TOX: variants seen among roughly 807,000 people sequenced by gnomAD.
The protein encoded by TOX is thymocyte selection associated high mobility group box.
TOX carries 11 observed loss-of-function variants against 53.7 expected under a neutral mutation model. That is an observed-to-expected ratio of 0.20 (90% confidence interval 0.13 to 0.34). The LOEUF (loss-of-function observed/expected upper bound fraction) is 0.34, where lower values mean the gene tolerates loss of function less well. Among genes scored for constraint, TOX ranks in the 10% least tolerant of loss-of-function variants. TOX has a pLI of 1.00. For missense variants in TOX, 570 were observed against 664.6 expected, an observed-to-expected ratio of 0.86 and a Z score of 1.56; for synonymous variants, 225 against 245.3, an observed-to-expected ratio of 0.92 and a Z score of 0.77.
At chr8:58,924,771 C>T (rs1812126618) in intron 3 of TOX, among the ~76,000 whole-genome samples, 1 of 152,210 alleles carries the variant, frequency 6.6e-6, no homozygotes, top group African/African-American at 2.4e-5. Flanking sequence ...ATGTATTTTT[C>T]TCAACATTTT....
chr8:59,013,290 G>C (rs1457507894), intron 1 of TOX, among the ~76,000 whole-genome samples: 1 of 152,094 alleles, frequency 6.6e-6, no homozygotes, highest in African/African-American at 2.4e-5. Context: ...CACCTACGCT[G>C]TCATCAATAA....
intron 1 of TOX, chr8:58,992,113 T>C (rs1278289916): frequency 2.0e-5 from 3 of 152,216 alleles, no homozygotes; most frequent in Non-Finnish European, 4.4e-5. Context: ...CTTTGTAGTT[T>C]ATGTAAAAAT....
At chr8:59,082,848 C>T (rs548387809) in intron 1 of TOX, among the ~76,000 whole-genome samples, 2 of 152,330 alleles carry the variant, frequency 1.3e-5, no homozygotes, top group Admixed American at 1.3e-4. Flanking sequence ...ATAAATCACA[C>T]AGGAAGCTAT....
chr8:58,835,947 C>T (rs1810538132), intron 5 of TOX, among the ~76,000 whole-genome samples: 1 of 152,166 alleles, frequency 6.6e-6, no homozygotes, highest in Non-Finnish European at 1.5e-5. Flanking sequence ...AGGGGCTGAG[C>T]CTTCACGGGG....
intron 1 of TOX, among the ~76,000 whole-genome samples, chr8:59,030,125 C>A (rs1237870450): frequency 1.3e-5 from 2 of 152,104 alleles, no homozygotes; most frequent in Non-Finnish European, 1.5e-5. Context: ...AAGCCATTGC[C>A]ATCTGTTTAA....
chr8:58,897,749 T>G (rs2044643), intron 3 of TOX, among the ~76,000 whole-genome samples: 97,634 of 150,548 alleles, frequency 0.65, 32,264 homozygotes, highest in African/African-American at 0.78. Context: ...TAACAATTGT[T>G]GTTGAACCGT....
intron 1 of TOX, among the ~76,000 whole-genome samples, chr8:59,021,100 C>A (rs1485823738): frequency 1.8e-5 from 2 of 110,546 alleles, no homozygotes; most frequent in Non-Finnish European, 3.7e-5. Flanking sequence ...CAGAGCCAGA[C>A]CCTGTCTCAA....
intron 3 of TOX, among the ~76,000 whole-genome samples, chr8:58,866,154 C>G (rs1811097889): frequency 6.6e-6 from 1 of 152,078 alleles, no homozygotes; most frequent in Admixed American, 6.6e-5. Context: ...ATGTTTTTAA[C>G]AACAACAAAG....
In TOX at chr8:59,039,479, A is replaced by AC. The variant is rs568095699; in HGVS notation, c.102+79406_102+79407insG. ...TTGGTAGTGAACAAGCAGACAGCTG[A>AC]AGGAGTAAAAATTCTAGGATTTTTG... On this transcript the variant is annotated intron_variant, in intron 1 of 8. Transcript: ENST00000361421. Among the ~76,000 whole-genome samples the AC allele has an allele frequency of 8.4e-4, 128 of 152,348 alleles. 1 individual carries two copies. The East Asian group carries it at 0.022, about 26-fold the overall frequency.
chr8:59,033,262 G>T (rs1040131336), intron 1 of TOX, among the ~76,000 whole-genome samples: 4 of 152,170 alleles, frequency 2.6e-5, no homozygotes, highest in Non-Finnish European at 5.9e-5. Context: ...TGAGATCCTA[G>T]AAGGCTCACT....
chr8:59,005,694 C>T (rs555045400), intron 1 of TOX, among the ~76,000 whole-genome samples: 71 of 152,242 alleles, frequency 4.7e-4, no homozygotes, highest in African/African-American at 1.5e-3. Flanking sequence ...GAAAGACCTG[C>T]TAATCAAGTT....
chr8:59,087,488 G>A (rs1382485092), intron 1 of TOX, among the ~76,000 whole-genome samples: 1 of 152,072 alleles, frequency 6.6e-6, no homozygotes, highest in Non-Finnish European at 1.5e-5. Flanking sequence ...TGACTCTGGT[G>A]TCTCCTAATA....
At chr8:58,979,900 C>T (rs1176277035) in intron 1 of TOX, among the ~76,000 whole-genome samples, 3 of 152,112 alleles carry the variant, frequency 2.0e-5, no homozygotes, top group Admixed American at 6.5e-5. Context: ...ATACAAACTG[C>T]GTAAGATAGA....
At position 58,999,742 on chromosome 8, in the gene TOX, T is replaced by A. The variant is rs56390547; in HGVS notation, c.103-39734A>T. On this transcript the variant is annotated intron_variant, in intron 1 of 8. Transcript: ENST00000361421. ...GATCTCTATTTTTTAGGAAGAGGTA[T>A]GGGGAGCTATCAAGTCAGATTCACA... Among the ~76,000 whole-genome samples the A allele has an allele frequency of 6.1e-3, 931 of 152,156 alleles. 7 individuals carry two copies. Among genetic ancestry groups the A allele is most frequent in the Non-Finnish European group, 8.5e-3 (577 of 68,000 alleles).
intron 3 of TOX, among the ~76,000 whole-genome samples, chr8:58,911,297 T>C (rs929424995): frequency 6.6e-6 from 1 of 152,196 alleles, no homozygotes; most frequent in African/African-American, 2.4e-5. Context: ...CCTGGAGAGA[T>C]TGTTAGAAAT....
intron 3 of TOX, among the ~76,000 whole-genome samples, chr8:58,859,297 G>A (rs1197692516): frequency 6.6e-6 from 1 of 152,032 alleles, no homozygotes; most frequent in Admixed American, 6.5e-5. Flanking sequence ...AGACAAGTGA[G>A]GTTCAAAAGA....
chr8:58,869,220 C>A (rs1468929188), intron 3 of TOX, among the ~76,000 whole-genome samples: 10 of 112,246 alleles, frequency 8.9e-5, no homozygotes, highest in East Asian at 7.4e-4. Flanking sequence ...AGCGAGACTG[C>A]GTCTCAAAAA....
intron 1 of TOX, among the ~76,000 whole-genome samples, chr8:59,090,459 A>G (rs756574740): frequency 6.6e-6 from 1 of 152,170 alleles, no homozygotes; most frequent in Non-Finnish European, 1.5e-5. Context: ...TTTCTAATTA[A>G]ATTTAGAAGG....
chr8:58,995,848 G>A (rs1435771045), intron 1 of TOX, among the ~76,000 whole-genome samples: 1 of 152,072 alleles, frequency 6.6e-6, no homozygotes, highest in Non-Finnish European at 1.5e-5. Context: ...CGATTACTTT[G>A]TGCCATTTCA....
Sources: allele counts gnomAD v4.1 joint callset (sites outside exome capture counted in the v4.1 genomes callset), GRCh38; gene constraint gnomAD v4.1.1; transcripts MANE v1.5; gene names NCBI Gene and HGNC (gene_info 2026-07-23, HGNC 2026-07-21).